The following DAPK1 variants were observed in gnomAD, a reference collection of about 807,000 sequenced individuals.
DAPK1 encodes the protein death associated protein kinase 1, also known as death-associated protein kinase 1.
Under a neutral mutation model 144.9 loss-of-function variants are expected in DAPK1, and 56 were observed. The ratio of observed to expected loss-of-function variants is 0.39; its 90% confidence interval spans 0.31 to 0.48. The LOEUF (loss-of-function observed/expected upper bound fraction) is 0.48, where lower values mean the gene tolerates loss of function less well. DAPK1 is among the 20% of genes least tolerant of loss of function. The pLI, the probability that DAPK1 is intolerant of heterozygous loss-of-function variation, is 0.95. For missense variants in DAPK1, 1,454 were observed against 1,875.4 expected (o/e 0.78, Z 4.15); for synonymous variants, 690 against 749.0 (o/e 0.92, Z 1.29).
At chr9:87,578,920 T>C (rs1827652728) in intron 2 of DAPK1, among the ~76,000 whole-genome samples, 1 of 152,252 alleles carries the variant, frequency 6.6e-6, no homozygotes, top group South Asian at 2.1e-4. Flanking sequence ...CCATCTTTAT[T>C]GTATCTGGGC....
intron 2 of DAPK1, among the ~76,000 whole-genome samples, chr9:87,573,826 T>C (rs1009564137): frequency 6.6e-6 from 1 of 152,232 alleles, no homozygotes; most frequent in African/African-American, 2.4e-5. Flanking sequence ...TCTTTGATTA[T>C]TTTGAGTTTT....
At chr9:87,665,415 T>C (rs1002015381) in intron 18 of DAPK1, among the ~76,000 whole-genome samples, 3 of 152,246 alleles carry the variant, frequency 2.0e-5, no homozygotes, top group Admixed American at 6.5e-5. Context: ...TGAGCCCTTA[T>C]AATTCTGTAG....
In DAPK1 at chr9:87,651,666, A is replaced by G. The variant is rs777329996; in HGVS notation, c.1766A>G (p.Asn589Ser). ...CTCCATGTGGCATGTAAAGATGGCA[A>G]CATGCCTATCGTGGTGGCCCTCTGT... is the stretch of plus-strand genomic sequence containing the variant. ...TPLHVACKDG[N>S]MPIVVALCEA... The change falls in exon 17 of 26, where the codon AAC becomes AGC. Residue 589 changes from asparagine to serine, a missense_variant. Coordinates refer to ENST00000408954, the MANE Select transcript of DAPK1 (RefSeq NM_004938.4). The G allele has an allele frequency of 8.1e-6, 13 of 1,614,116 alleles. No individual in the cohort carries two copies. Among genetic ancestry groups the G allele is most frequent in the East Asian group, 4.5e-5 (2 of 44,888 alleles).
intron 2 of DAPK1, among the ~76,000 whole-genome samples, chr9:87,534,306 A>G (rs1384114464): frequency 6.8e-6 from 1 of 147,898 alleles, no homozygotes; most frequent in Non-Finnish European, 1.5e-5. Context: ...TTGGCTTGAC[A>G]GTTTTGAAAT....
At chr9:87,520,082 C>T (rs1034328040) in intron 2 of DAPK1, among the ~76,000 whole-genome samples, 1 of 152,062 alleles carries the variant, frequency 6.6e-6, no homozygotes, top group African/African-American at 2.4e-5. Context: ...ATAGAATTGA[C>T]TTCTTCCCAG....
At chr9:87,578,442 G>A (rs1290319443) in intron 2 of DAPK1, among the ~76,000 whole-genome samples, 2 of 152,138 alleles carry the variant, frequency 1.3e-5, no homozygotes, top group African/African-American at 2.4e-5. Flanking sequence ...GGTACAAATA[G>A]CCTTGTAAAG....
At chr9:87,615,490 C>T (rs192821350) in intron 3 of DAPK1, among the ~76,000 whole-genome samples, 3 of 152,304 alleles carry the variant, frequency 2.0e-5, no homozygotes, top group Admixed American at 6.5e-5. Flanking sequence ...CTTCCCTGGA[C>T]GACAGAAGTG....
intron 2 of DAPK1, among the ~76,000 whole-genome samples, chr9:87,531,281 C>T (rs1055746835): frequency 1.3e-5 from 2 of 152,136 alleles, no homozygotes; most frequent in Admixed American, 6.5e-5. Flanking sequence ...CAGTAGCTGG[C>T]TGGAGTTCAT....
At chr9:87,629,325 G>GTTT (rs1409689292) in intron 3 of DAPK1, among the ~76,000 whole-genome samples, 3 of 152,278 alleles carry the variant, frequency 2.0e-5, no homozygotes, top group Admixed American at 2.0e-4. Flanking sequence ...GAGATTGCTG[G>GTTT]CAAAGCCCCA....
intron 2 of DAPK1, among the ~76,000 whole-genome samples, chr9:87,594,474 C>T (rs1488342149): frequency 2.0e-5 from 3 of 152,220 alleles, no homozygotes; most frequent in African/African-American, 7.2e-5. Context: ...TAGACCATAT[C>T]TGAAGCATGT....
At chr9:87,649,520 G>A (rs1345769927) in intron 15 of DAPK1, among the ~76,000 whole-genome samples, 1 of 152,226 alleles carries the variant, frequency 6.6e-6, no homozygotes, top group East Asian at 1.9e-4. Flanking sequence ...CCTACTGTTA[G>A]TAGTTTCAGA....
chr9:87,548,778 T>A (rs796963983), intron 2 of DAPK1, among the ~76,000 whole-genome samples: 1 of 152,172 alleles, frequency 6.6e-6, no homozygotes, highest in African/African-American at 2.4e-5. Flanking sequence ...CCTGAGGTTC[T>A]CAGCCGAGTC....
At chr9:87,680,324 T>TC (rs1165170247) in intron 19 of DAPK1, among the ~76,000 whole-genome samples, 4 of 152,130 alleles carry the variant, frequency 2.6e-5, no homozygotes, top group African/African-American at 9.7e-5. Flanking sequence ...CAGGATGGTC[T>TC]CCATCTCCTG....
At position 87,533,475 on chromosome 9, in the gene DAPK1, C is replaced by T. The variant is rs371343614; in HGVS notation, c.62+34336C>T. On this transcript the variant is annotated intron_variant, in intron 2 of 25. Transcript: ENST00000408954. Reference sequence around the variant, plus strand: ...TCAGGCCAACTCAGGCTGGAAGGCACCTGCTCCTGTGGGGTGCTAGCCACC... The same window carrying T: ...TCAGGCCAACTCAGGCTGGAAGGCATCTGCTCCTGTGGGGTGCTAGCCACC... Among the ~76,000 whole-genome samples, 11 of 152,308 alleles carry T rather than the reference C, an allele frequency of 7.2e-5. No homozygotes were observed. In the South Asian group the frequency reaches 1.2e-3, roughly 17 times the overall value.
At chr9:87,503,761 C>T (rs761921644) in intron 2 of DAPK1, among the ~76,000 whole-genome samples, 3 of 152,194 alleles carry the variant, frequency 2.0e-5, no homozygotes, top group Non-Finnish European at 2.9e-5. Context: ...ATAAAAACTG[C>T]TCTTGTTTTT....
intron 2 of DAPK1, among the ~76,000 whole-genome samples, chr9:87,559,893 A>C (rs990922984): frequency 2.0e-5 from 3 of 151,126 alleles, no homozygotes; most frequent in African/African-American, 7.3e-5. Flanking sequence ...CATGCCCCCT[A>C]TCTTGCCCTT....
intron 21 of DAPK1, 21 bp from the exon 22 acceptor site, chr9:87,696,986 A>G (rs771994434): frequency 7.8e-7 from 1 of 1,290,130 alleles, no homozygotes; most frequent in South Asian, 1.2e-5. Context: ...CACGATTGTT[A>G]TCATTTTTCT....
intron 19 of DAPK1, 72 bp downstream of exon 19, chr9:87,668,746 A>T: frequency 1.1e-6 from 1 of 869,802 alleles, no homozygotes; most frequent in Non-Finnish European, 2.0e-6. Context: ...CTTTTTCCTT[A>T]TTTGAGAATG....
intron 2 of DAPK1, among the ~76,000 whole-genome samples, chr9:87,512,407 T>G (rs1824881833): frequency 6.6e-6 from 1 of 152,178 alleles, no homozygotes; most frequent in South Asian, 2.1e-4. Context: ...GAAGCTCCAT[T>G]CAGTTGTGAC....
Sources: gnomAD v4.1 joint callset for allele counts (sites outside exome capture counted in the v4.1 genomes callset) on GRCh38, gnomAD v4.1.1 for gene constraint, MANE v1.5 for transcripts, NCBI Gene and HGNC (gene_info 2026-07-23, HGNC 2026-07-21) for gene names.